Variants in ELAPOR2 observed in about 807,000 individuals in gnomAD.
The protein encoded by ELAPOR2 is endosome-lysosome associated apoptosis and autophagy regulator family member 2.
ELAPOR2 carries 89 observed loss-of-function variants against 120.7 expected under a neutral mutation model. The observed-to-expected ratio is 0.74, with a 90% CI of 0.62 to 0.88. The LOEUF is 0.88. Ranked by LOEUF, ELAPOR2 falls within the 40% of genes least tolerant of loss-of-function variation. The probability of loss-of-function intolerance (pLI) is 0.00; values close to 1 mark genes in which losing one functional copy is unlikely to be tolerated. For missense variants in ELAPOR2, 1,134 were observed against 1,251.6 expected (o/e 0.91, Z 1.42); for synonymous variants, 444 against 444.9 (o/e 1.00, Z 0.03).
chr7:86,967,654 T>C (rs926688854), intron 1 of ELAPOR2, among the ~76,000 whole-genome samples: 5 of 152,152 alleles, frequency 3.3e-5, no homozygotes, highest in African/African-American at 1.2e-4. Context: ...TCACTGCCTC[T>C]GTTATTCAGC....
At chr7:86,962,379 A>G (rs1300855596) in intron 2 of ELAPOR2, among the ~76,000 whole-genome samples, 2 of 152,206 alleles carry the variant, frequency 1.3e-5, no homozygotes, top group East Asian at 3.8e-4. Context: ...GATCTGTGAA[A>G]TCATGTTCCA....
chr7:87,017,444 A>G (rs572462117), intron 1 of ELAPOR2, among the ~76,000 whole-genome samples: 1 of 152,334 alleles, frequency 6.6e-6, no homozygotes, highest in South Asian at 2.1e-4. Flanking sequence ...TGCTCATAAT[A>G]GATGAGTATA....
intron 3 of ELAPOR2, among the ~76,000 whole-genome samples, chr7:86,946,062 CAA>C (rs1314414426): frequency 1.3e-5 from 2 of 151,818 alleles, no homozygotes; most frequent in Non-Finnish European, 2.9e-5. Flanking sequence ...TTTGACTTCA[CAA>C]AAGTTAATAA....
intron 19 of ELAPOR2, among the ~76,000 whole-genome samples, chr7:86,894,528 T>C (rs552997098): frequency 6.6e-6 from 1 of 152,188 alleles, no homozygotes; most frequent in African/African-American, 2.4e-5. Flanking sequence ...GACAGTCTTA[T>C]AACAAAATCT....
chr7:86,925,772 GAT>G, intron 9 of ELAPOR2, 116 bp from the exon 10 acceptor site: 1 of 921,070 alleles, frequency 1.1e-6, no homozygotes, highest in African/African-American at 1.7e-5. Context: ...GGAAAAAAAA[GAT>G]ATTGGACTAC....
intron 1 of ELAPOR2, among the ~76,000 whole-genome samples, chr7:87,018,576 G>A (rs1407927791): frequency 6.6e-6 from 1 of 152,192 alleles, no homozygotes; most frequent in Non-Finnish European, 1.5e-5. Context: ...GGTAAATGGA[G>A]TATGATGAAC....
rs149981206 is a variant in ELAPOR2, at chr7:86,889,925, G to T, written c.3030+1799C>A. On this transcript the variant is annotated intron_variant, in intron 21 of 21. Transcript: ENST00000450689. The stretch of plus-strand genomic sequence containing the variant: ...CATTTGTTCAGCTAGTTGAGTCTGG[G>T]ACCCTGAGGGTAGGGTTGAGGTTAA... 7.4e-4 allele frequency among the ~76,000 whole-genome samples: 112 copies of T among 152,026 alleles called. 1 individual carries two copies. Among genetic ancestry groups the T allele is most frequent in the African/African-American group, 2.5e-3 (102 of 41,508 alleles).
chr7:87,018,628 G>A (rs1287064714), intron 1 of ELAPOR2, among the ~76,000 whole-genome samples: 3 of 152,132 alleles, frequency 2.0e-5, no homozygotes, highest in African/African-American at 7.2e-5. Context: ...CTTAGTGCCC[G>A]AAAGTTCAAT....
intron 9 of ELAPOR2, 139 bp downstream of exon 9, chr7:86,926,597 G>A (rs1790076211): frequency 1.3e-6 from 1 of 742,694 alleles, no homozygotes; most frequent in Non-Finnish European, 2.1e-6. Flanking sequence ...AAATATTACA[G>A]TTGACTGCAA....
intron 21 of ELAPOR2, among the ~76,000 whole-genome samples, chr7:86,886,596 G>T (rs1464492088): frequency 6.6e-6 from 1 of 152,114 alleles, no homozygotes; most frequent in Admixed American, 6.5e-5. Context: ...CCATGCCCCA[G>T]ATCTTGTGAC....
At position 87,009,218 on chromosome 7, in the gene ELAPOR2, C is replaced by G. The variant is rs189499218; in HGVS notation, c.190-44194G>C. Among the ~76,000 whole-genome samples, 442 of 152,160 alleles carry G rather than the reference C, an allele frequency of 2.9e-3. 1 individual carries two copies. The highest frequency in any genetic ancestry group is 0.01 in the African/African-American group (424 of 41,532). ...GAATTTTGATAATTACTACAAAAAC[C>G]GTACAAAGTTTAAAGGGCAAAGAGC... On this transcript the variant is annotated intron_variant, in intron 1 of 21. Coordinates refer to ENST00000450689, the MANE Select transcript of ELAPOR2 (RefSeq NM_001142749.3).
At chr7:86,986,136 T>C (rs1792723365) in intron 1 of ELAPOR2, among the ~76,000 whole-genome samples, 1 of 140,612 alleles carries the variant, frequency 7.1e-6, no homozygotes, top group Non-Finnish European at 1.5e-5. Flanking sequence ...TGTTTGCAGA[T>C]GGCATGATTG....
intron 1 of ELAPOR2, among the ~76,000 whole-genome samples, chr7:87,040,659 G>A (rs939806207): frequency 3.3e-5 from 5 of 152,290 alleles, no homozygotes; most frequent in Admixed American, 2.6e-4. Flanking sequence ...CCACAAAGAG[G>A]GGAAAAAACA....
At chr7:86,890,909 CTCT>C (rs1156547286) in intron 21 of ELAPOR2, among the ~76,000 whole-genome samples, 2 of 151,896 alleles carry the variant, frequency 1.3e-5, no homozygotes, top group Non-Finnish European at 2.9e-5. Context: ...TAAATTTTGT[CTCT>C]TGTCTATCCT....
At chr7:86,898,438 C>A (rs541041904) in intron 18 of ELAPOR2, among the ~76,000 whole-genome samples, 1 of 151,542 alleles carries the variant, frequency 6.6e-6, no homozygotes, top group Non-Finnish European at 1.5e-5. Flanking sequence ...GGTGGTTGCC[C>A]ACATCCCTGA....
intron 1 of ELAPOR2, among the ~76,000 whole-genome samples, chr7:87,049,177 C>G (rs551018285): frequency 2.0e-5 from 3 of 151,826 alleles, no homozygotes; most frequent in Non-Finnish European, 4.4e-5. Flanking sequence ...TCATACAAAC[C>G]AAATAAATAA....
At chr7:86,939,919 C>T (rs957992556) in intron 6 of ELAPOR2, 91 bp downstream of exon 6, 6 of 709,516 alleles carry the variant, frequency 8.5e-6, no homozygotes. Flanking sequence ...TTCTATAAAT[C>T]TTTGAGCCAG....
intron 1 of ELAPOR2, among the ~76,000 whole-genome samples, chr7:87,048,175 C>T (rs1459752639): frequency 2.7e-5 from 4 of 150,070 alleles, no homozygotes; most frequent in African/African-American, 7.4e-5. Flanking sequence ...ACCTGGGAGG[C>T]GGAGGTTGCA....
Position 87,014,417 on chromosome 7 carries a change from A to C in ELAPOR2, c.189+44908T>G, listed in dbSNP as rs145098184. 2.4e-3 allele frequency among the ~76,000 whole-genome samples: 370 copies of C among 152,292 alleles called. 4 individuals carry two copies. Among genetic ancestry groups the C allele is most frequent in the African/African-American group, 8.4e-3 (349 of 41,562 alleles). On this transcript the variant is annotated intron_variant, in intron 1 of 21. Transcript: ENST00000450689. The stretch of plus-strand genomic sequence containing the variant: ...TATGGTAAAAGCTTCAGTGCTTATA[A>C]AAGTGACATTTCCAGACAATTACTT...
Sources: gnomAD v4.1 joint callset for allele counts (sites outside exome capture counted in the v4.1 genomes callset) on GRCh38, gnomAD v4.1.1 for gene constraint, MANE v1.5 for transcripts, NCBI Gene and HGNC (gene_info 2026-07-23, HGNC 2026-07-21) for gene names.